The following TOX2 variants were observed in gnomAD, a reference collection of about 807,000 sequenced individuals.
TOX2 encodes the protein TOX high mobility group box family member 2.
A neutral mutation model predicts 47.4 loss-of-function variants in TOX2; 15 were observed. The ratio of observed to expected loss-of-function variants is 0.32; its 90% CI spans 0.21 to 0.49. The LOEUF (loss-of-function observed/expected upper bound fraction) is 0.49, where lower values mean the gene tolerates loss of function less well. TOX2 is among the 20% of genes least tolerant of loss of function. The pLI is 0.99. For synonymous variants in TOX2, 290 were observed against 296.6 expected, an observed-to-expected ratio of 0.98 and a Z score of 0.23; for missense variants, 622 against 673.1, an observed-to-expected ratio of 0.92 and a Z score of 0.84.
chr20:44,022,410 C>T (rs1053378511), intron 3 of TOX2, among the ~76,000 whole-genome samples: 3 of 152,184 alleles, frequency 2.0e-5, no homozygotes, highest in African/African-American at 7.2e-5. Context: ...GCATGGGAGC[C>T]ATGGCAATGC....
At chr20:44,020,669 A>C (rs2070961508) in intron 3 of TOX2, among the ~76,000 whole-genome samples, 1 of 152,116 alleles carries the variant, frequency 6.6e-6, no homozygotes, top group Non-Finnish European at 1.5e-5. Flanking sequence ...GCAGATTCTC[A>C]GGCCCCTCCC....
chr20:43,944,858 G>A (rs2069444787), intron 1 of TOX2, among the ~76,000 whole-genome samples: 1 of 152,192 alleles, frequency 6.6e-6, no homozygotes, highest in Non-Finnish European at 1.5e-5. Context: ...TGAGGCTCAG[G>A]GAAGTTAGCC....
At chr20:44,049,327 A>G (rs1380077723) in intron 3 of TOX2, among the ~76,000 whole-genome samples, 1 of 152,232 alleles carries the variant, frequency 6.6e-6, no homozygotes, top group East Asian at 1.9e-4. Context: ...ACTGTGGAAT[A>G]TGTACACAAT....
At chr20:44,053,479 T>G (rs1267924686) in intron 4 of TOX2, among the ~76,000 whole-genome samples, 1 of 141,900 alleles carries the variant, frequency 7.0e-6, no homozygotes, top group South Asian at 2.1e-4. Context: ...CACATATATA[T>G]ATACACACAT....
chr20:43,985,805 C>T (rs112440019), intron 2 of TOX2, among the ~76,000 whole-genome samples: 5 of 152,154 alleles, frequency 3.3e-5, no homozygotes, highest in South Asian at 4.2e-4. Context: ...AACAGCCACC[C>T]GGTGGCGCCG....
At chr20:44,041,478 G>A (rs2071330742) in intron 3 of TOX2, among the ~76,000 whole-genome samples, 1 of 152,202 alleles carries the variant, frequency 6.6e-6, no homozygotes, top group Non-Finnish European at 1.5e-5. Context: ...AACCTGGGAT[G>A]CTTAGTGGCT....
chr20:44,030,997 T>C (rs866803230), intron 3 of TOX2, among the ~76,000 whole-genome samples: 116 of 151,868 alleles, frequency 7.6e-4, no homozygotes, highest in African/African-American at 2.4e-3. Flanking sequence ...ATGGAAGGGG[T>C]TTTGAGGAAG....
intron 1 of TOX2, among the ~76,000 whole-genome samples, chr20:43,969,639 C>T (rs1166757671): frequency 6.6e-6 from 1 of 152,218 alleles, no homozygotes; most frequent in African/African-American, 2.4e-5. Flanking sequence ...CAGAGGTGGG[C>T]AAAGAACAGG....
chr20:43,994,740 T>C (rs1600718554), intron 2 of TOX2, among the ~76,000 whole-genome samples: 1 of 152,222 alleles, frequency 6.6e-6, no homozygotes, highest in South Asian at 2.1e-4. Context: ...TTGAGTCAGA[T>C]TGTGTCCTGA....
chr20:44,052,168 A>AC (rs534297304), intron 4 of TOX2, among the ~76,000 whole-genome samples: 1,763 of 151,796 alleles, frequency 0.012, 31 homozygotes, highest in African/African-American at 0.035. Context: ...TGCAAAAATG[A>AC]CCGCCCCACT....
chr20:43,986,975 G>A (rs545493888), intron 2 of TOX2, among the ~76,000 whole-genome samples: 1 of 152,076 alleles, frequency 6.6e-6, no homozygotes, highest in African/African-American at 2.4e-5. Context: ...AAGGTGGGAC[G>A]ATCACTTGAG....
rs115212433 is a variant in TOX2 at position 44,017,956 on chromosome 20, A to T, written c.411+11164A>T. 2.9e-3 allele frequency among the ~76,000 whole-genome samples: 441 copies of T among 152,312 alleles called. 2 individuals carry two copies. Among genetic ancestry groups the T allele is most frequent in the African/African-American group, 9.7e-3 (405 of 41,562 alleles). ...GCGGGACAAGATGGAGACCCACTTTATCTGCCCAGCTCTGAGTTGAGCTAT... is the reference window on the plus strand; with the variant it reads ...GCGGGACAAGATGGAGACCCACTTTTTCTGCCCAGCTCTGAGTTGAGCTAT... On this transcript the variant is annotated intron_variant, in intron 3 of 8. Coordinates refer to ENST00000341197, the MANE Select transcript of TOX2 (RefSeq NM_001098797.2).
chr20:44,037,058 G>A (rs1265718070), intron 3 of TOX2, among the ~76,000 whole-genome samples: 3 of 152,160 alleles, frequency 2.0e-5, no homozygotes, highest in Non-Finnish European at 4.4e-5. Context: ...GGGTTCAAGC[G>A]ATTCTCCTGC....
chr20:44,009,464 C>T (rs1396059300), intron 3 of TOX2, among the ~76,000 whole-genome samples: 1 of 152,164 alleles, frequency 6.6e-6, no homozygotes, highest in Admixed American at 6.5e-5. Flanking sequence ...GTGGGTCCAT[C>T]AATAATGCAA....
At chr20:43,951,707 G>GTTTTTT (rs59829203) in intron 1 of TOX2, among the ~76,000 whole-genome samples, 4,193 of 54,988 alleles carry the variant, frequency 0.076, 1,179 homozygotes, top group Non-Finnish European at 0.099. Flanking sequence ...AACTTATTAT[G>GTTTTTT]TTTTTTTTTT....
chr20:43,941,971 G>A (rs566921486), intron 1 of TOX2, among the ~76,000 whole-genome samples: 2 of 152,308 alleles, frequency 1.3e-5, no homozygotes, highest in African/African-American at 4.8e-5. Context: ...AGCTTATAAT[G>A]ATTCAATTGT....
chr20:43,988,203 C>T (rs1176373293), intron 2 of TOX2, among the ~76,000 whole-genome samples: 1 of 152,164 alleles, frequency 6.6e-6, no homozygotes, highest in African/African-American at 2.4e-5. Context: ...CAGGCGTGAG[C>T]CACCGCACCT....
At chr20:44,049,888 T>C (rs2071478487) in intron 3 of TOX2, among the ~76,000 whole-genome samples, 2 of 152,210 alleles carry the variant, frequency 1.3e-5, no homozygotes, top group Admixed American at 1.3e-4. Flanking sequence ...TCAGTCTATC[T>C]TTGATGGGTA....
At position 43,934,704 on chromosome 20, in the gene TOX2, C is replaced by T. The variant is rs866815083; in HGVS notation, c.99+19714C>T. 3.3e-5 allele frequency among the ~76,000 whole-genome samples: 5 copies of T among 152,168 alleles called. No homozygotes were observed. In the Middle Eastern group the frequency reaches 0.014, roughly 414 times the overall value. ...CAGGCGTGATGGTGCAGTGTCATGC[C>T]CTCTGTCCTGGGACCCTCTTCCCAT... On this transcript the variant is annotated intron_variant, in intron 1 of 8. Transcript: ENST00000341197.
Sources: allele counts gnomAD v4.1 joint callset (sites outside exome capture counted in the v4.1 genomes callset), GRCh38; gene constraint gnomAD v4.1.1; transcripts MANE v1.5; gene names NCBI Gene and HGNC (gene_info 2026-07-23, HGNC 2026-07-21).